Variants in SETBP1 observed in about 807,000 individuals in gnomAD.
SETBP1 encodes the protein SET binding protein 1, also known as SET-binding protein.
Under a neutral mutation model 101.0 loss-of-function variants are expected in SETBP1, and 9 were observed. The observed-to-expected ratio is 0.09, with a 90% CI of 0.05 to 0.16. SETBP1 has a LOEUF of 0.16. SETBP1 is among the 10% of genes least tolerant of loss of function. SETBP1 has a pLI of 1.00. For synonymous variants in SETBP1, 818 were observed against 788.5 expected (o/e 1.04, Z -0.63); for missense variants, 1,858 against 2,033.8 (o/e 0.91, Z 1.66).
intron 2 of SETBP1, among the ~76,000 whole-genome samples, chr18:44,730,241 C>T (rs2069808553): frequency 1.3e-5 from 2 of 152,186 alleles, no homozygotes; most frequent in Non-Finnish European, 2.9e-5. Flanking sequence ...TGCCCTCAAA[C>T]AAGTTTTATT....
chr18:44,836,319 CCTAGTTAGGTT>C (rs1852227997), intron 2 of SETBP1, among the ~76,000 whole-genome samples: 1 of 152,062 alleles, frequency 6.6e-6, no homozygotes, highest in Admixed American at 6.6e-5. Flanking sequence ...ATGCCTTTTC[CCTAGTTAGGTT>C]CTGTCTAGCA....
At chr18:44,984,064 G>T (rs1202494570) in intron 4 of SETBP1, among the ~76,000 whole-genome samples, 9 of 152,096 alleles carry the variant, frequency 5.9e-5, no homozygotes, top group Non-Finnish European at 1.3e-4. Context: ...AGCCGGGCGT[G>T]GTTGCATGAG....
intron 3 of SETBP1, among the ~76,000 whole-genome samples, chr18:44,910,858 A>G (rs1277238295): frequency 6.6e-6 from 1 of 152,168 alleles, no homozygotes; most frequent in Non-Finnish European, 1.5e-5. Flanking sequence ...GTTCAAGTGT[A>G]CAGGCCTCTG....
intron 2 of SETBP1, among the ~76,000 whole-genome samples, chr18:44,750,919 G>A (rs989431946): frequency 3.3e-5 from 5 of 152,300 alleles, no homozygotes; most frequent in South Asian, 2.1e-4. Context: ...TGAGTAGGAC[G>A]TGGCTCTTTG....
chr18:44,752,890 G>C (rs376914166), intron 2 of SETBP1, among the ~76,000 whole-genome samples: 8 of 152,246 alleles, frequency 5.3e-5, no homozygotes, highest in African/African-American at 1.9e-4. Context: ...GTGCATTTAA[G>C]TGTTTTCTTG....
intron 3 of SETBP1, among the ~76,000 whole-genome samples, chr18:44,936,429 A>G (rs1226528672): frequency 2.0e-5 from 3 of 152,158 alleles, no homozygotes; most frequent in African/African-American, 7.2e-5. Context: ...CTCCACACTA[A>G]TTTACCTCTC....
Position 44,952,952 on chromosome 18 carries a change from C to A in SETBP1, c.3612C>A (p.Asn1204Lys), listed in dbSNP as rs1360175389. The change falls in exon 4 of 6, where the codon AAC (asparagine) becomes AAA (lysine). Residue 1204 changes from asparagine (N) to lysine (K), a missense_variant. Coordinates refer to ENST00000649279, the MANE Select transcript of SETBP1 (RefSeq NM_015559.3). ...DKELPLVSEK[N>K]KHKEKQKHQH... ...AGCTCCCGCTGGTGAGTGAGAAGAA[C>A]AAGCATAAGGAGAAACAGAAGCACC... 5.6e-6 allele frequency: 9 copies of A among 1,614,000 alleles called. No homozygotes were observed. The South Asian group carries it at 8.8e-5, about 16-fold the overall frequency.
chr18:44,842,488 C>G (rs913694849), intron 2 of SETBP1, among the ~76,000 whole-genome samples: 1 of 152,184 alleles, frequency 6.6e-6, no homozygotes, highest in African/African-American at 2.4e-5. Context: ...CAAGGTGGAG[C>G]AGGTGACTAC....
chr18:44,846,914 A>C lies in SETBP1; in HGVS notation c.487-22316A>C, dbSNP rs2072736024. On this transcript the variant is annotated intron_variant, in intron 2 of 5. Transcript: ENST00000649279. Reference sequence around the variant, plus strand: ...TTACCATCTCCCAAACTTGTCTAGAACTTTTCCACATGGGGCTGAGGCTGG... The same window carrying C: ...TTACCATCTCCCAAACTTGTCTAGACCTTTTCCACATGGGGCTGAGGCTGG... Among the ~76,000 whole-genome samples the C allele has an allele frequency of 7.2e-5, 11 of 152,300 alleles. No individual in the cohort carries two copies. The South Asian group carries it at 2.1e-3, about 29-fold the overall frequency.
chr18:44,925,376 C>T (rs543442513), intron 3 of SETBP1, among the ~76,000 whole-genome samples: 6 of 152,290 alleles, frequency 3.9e-5, no homozygotes, highest in African/African-American at 1.4e-4. Context: ...CTCACAGACT[C>T]ACTGCAGAAA....
chr18:44,941,077 C>CTTTTTTTTTTTTT (rs71177660), intron 3 of SETBP1, among the ~76,000 whole-genome samples: 1 of 74,876 alleles, frequency 1.3e-5, no homozygotes, highest in African/African-American at 5.9e-5. Context: ...AGAAGTCAGA[C>CTTTTTTTTTTTTT]TTTTTTTTTT....
chr18:44,960,762 C>T (rs1309540412), intron 4 of SETBP1, among the ~76,000 whole-genome samples: 1 of 152,206 alleles, frequency 6.6e-6, no homozygotes. Context: ...TCTCTGTACT[C>T]TTCATGCTGT....
chr18:44,850,871 C>T (rs1361917805), intron 2 of SETBP1, among the ~76,000 whole-genome samples: 2 of 152,184 alleles, frequency 1.3e-5, no homozygotes, highest in African/African-American at 4.8e-5. Context: ...GTTTTTTATT[C>T]ACCAATTGGT....
At chr18:44,978,562 G>C (rs2072042131) in intron 4 of SETBP1, among the ~76,000 whole-genome samples, 1 of 152,058 alleles carries the variant, frequency 6.6e-6, no homozygotes, top group Non-Finnish European at 1.5e-5. Flanking sequence ...AGGTGGACTG[G>C]GTTAAATGTG....
intron 2 of SETBP1, among the ~76,000 whole-genome samples, chr18:44,832,390 T>C (rs758050923): frequency 6.6e-6 from 1 of 152,162 alleles, no homozygotes; most frequent in Non-Finnish European, 1.5e-5. Context: ...AATCTGCATG[T>C]TCACTATGTG....
intron 4 of SETBP1, chr18:44,986,547 T>C (rs183282525): frequency 1.4e-4 from 21 of 152,330 alleles, no homozygotes; most frequent in Admixed American, 5.2e-4. Context: ...GTAATACTTA[T>C]ATTAAAACAC....
At chr18:44,803,127 T>C (rs764441331) in intron 2 of SETBP1, among the ~76,000 whole-genome samples, 9 of 152,118 alleles carry the variant, frequency 5.9e-5, no homozygotes, top group East Asian at 3.9e-4. Context: ...CTTGCAGGGA[T>C]TGGGGGAAGG....
intron 2 of SETBP1, among the ~76,000 whole-genome samples, chr18:44,770,923 T>G (rs1407136705): frequency 6.6e-6 from 1 of 152,060 alleles, no homozygotes; most frequent in Non-Finnish European, 1.5e-5. Flanking sequence ...TATAGAGAAC[T>G]GTGTGGCCCT....
chr18:44,811,556 G>A (rs1418665094), intron 2 of SETBP1, among the ~76,000 whole-genome samples: 2 of 152,240 alleles, frequency 1.3e-5, no homozygotes, highest in South Asian at 2.1e-4. Flanking sequence ...TCTGTAACCT[G>A]TACCTGCGTG....
Sources: allele counts gnomAD v4.1 joint callset (sites outside exome capture counted in the v4.1 genomes callset), GRCh38; gene constraint gnomAD v4.1.1; transcripts MANE v1.5; gene names NCBI Gene and HGNC (gene_info 2026-07-23, HGNC 2026-07-21).